The following RNF152 variants were observed in gnomAD, a reference collection of about 807,000 sequenced individuals.
RNF152 encodes E3 ubiquitin-protein ligase RNF152.
A neutral mutation model predicts 12.7 loss-of-function variants in RNF152; 11 were observed. The observed-to-expected ratio is 0.86, with a 90% CI of 0.54 to 1.43. RNF152 has a LOEUF of 1.43. Ranked by LOEUF, RNF152 falls within the 40% of genes most tolerant of loss-of-function variation. RNF152 has a pLI of 0.00. For synonymous variants in RNF152, 113 were observed against 120.3 expected (o/e 0.94, Z 0.40); for missense variants, 255 against 274.8 (o/e 0.93, Z 0.51).
In RNF152 at chr18:61,823,350, CAG is replaced by C. The variant is rs1018499007; in HGVS notation, c.-135-6754_-135-6753del. Among the ~76,000 whole-genome samples, 4 of 152,350 alleles carry C rather than the reference CAG, an allele frequency of 2.6e-5. No individual in the cohort carries two copies. The East Asian group carries it at 7.7e-4, about 29-fold the overall frequency. On this transcript the variant is annotated intron_variant, in intron 1 of 1. Transcript: ENST00000312828. The stretch of plus-strand genomic sequence containing the variant: ...ACTCTCACTCACCCAGGCTGGAATG[CAG>C]TGGTGCAATCTTGGCTCACCGCAAC...
chr18:61,841,893 T>A (rs1476899789), intron 1 of RNF152, among the ~76,000 whole-genome samples: 1 of 152,194 alleles, frequency 6.6e-6, no homozygotes, highest in Non-Finnish European at 1.5e-5. Flanking sequence ...CCACACAGCA[T>A]CTGTTACAAC....
At chr18:61,878,238 T>A (rs933893880) in intron 1 of RNF152, among the ~76,000 whole-genome samples, 1 of 152,208 alleles carries the variant, frequency 6.6e-6, no homozygotes, top group South Asian at 2.1e-4. Flanking sequence ...TCTGGAGACA[T>A]CTTTGATTGA....
Position 61,881,535 on chromosome 18 carries a change from C to T in RNF152, c.-136+11260G>A, listed in dbSNP as rs183390956. On this transcript the variant is annotated intron_variant, in intron 1 of 1. Transcript: ENST00000312828. Reference sequence around the variant, plus strand: ...AAATCACATTCACCTTTACTAAAAGCGGTAACAGAAGCTAATACTGTTGCC... The same window carrying T: ...AAATCACATTCACCTTTACTAAAAGTGGTAACAGAAGCTAATACTGTTGCC... 2.7e-3 allele frequency among the ~76,000 whole-genome samples: 404 copies of T among 152,226 alleles called. 1 individual carries two copies. Among genetic ancestry groups the T allele is most frequent in the African/African-American group, 8.8e-3 (365 of 41,536 alleles).
At chr18:61,827,468 C>G (rs1271481768) in intron 1 of RNF152, among the ~76,000 whole-genome samples, 2 of 152,186 alleles carry the variant, frequency 1.3e-5, no homozygotes. Flanking sequence ...ACCTACCTAA[C>G]TGTTAAGACT....
chr18:61,819,183 C>G (rs1909259347), intron 1 of RNF152, among the ~76,000 whole-genome samples: 1 of 152,206 alleles, frequency 6.6e-6, no homozygotes, highest in Admixed American at 6.5e-5. Flanking sequence ...CTTACAGTCT[C>G]TGATACAGAT....
intron 1 of RNF152, among the ~76,000 whole-genome samples, chr18:61,854,436 C>A (rs1426275160): frequency 6.6e-6 from 1 of 152,184 alleles, no homozygotes; most frequent in Non-Finnish European, 1.5e-5. Context: ...AGGAAACGCA[C>A]AATAGGTAAC....
intron 1 of RNF152, among the ~76,000 whole-genome samples, chr18:61,848,584 A>G (rs1910837197): frequency 6.6e-6 from 1 of 152,200 alleles, no homozygotes. Flanking sequence ...ATTTGCAGAG[A>G]GGCTTCGGAA....
Position 61,815,778 on chromosome 18 carries a change from TC to T in RNF152, c.*73del. Reference sequence around the variant, plus strand: ...AAATGGTCAGTGTTGCCCCCCATCTTCTCACTGGGATCTCATCATCAACCTG... The same window carrying T: ...AAATGGTCAGTGTTGCCCCCCATCTTTCACTGGGATCTCATCATCAACCTG... On this transcript the variant is annotated 3_prime_UTR_variant, in exon 2 of 2. Coordinates refer to ENST00000312828, the MANE Select transcript of RNF152 (RefSeq NM_173557.3). 1 of 1,531,328 alleles carries T rather than the reference TC, an allele frequency of 6.5e-7. No individual in the cohort carries two copies. Among genetic ancestry groups the T allele is most frequent in the Non-Finnish European group, 8.9e-7 (1 of 1,121,884 alleles). The allele number at this position is 1,531,328 out of a possible 1,614,324, so 94.9% of individuals were successfully genotyped here. A position where few individuals can be genotyped will look rare whatever the true frequency, so the allele number is the denominator to read the frequency against.
rs186295469 is a variant in RNF152 at position 61,813,361 on chromosome 18, C to T, written c.*2491G>A. 30 of 151,680 alleles carry T rather than the reference C, an allele frequency of 2.0e-4. No homozygotes were observed. The highest frequency in any genetic ancestry group is 6.5e-4 in the African/African-American group (27 of 41,276). The allele number at this position is 151,680 out of a possible 1,614,324, so 9.4% of individuals were successfully genotyped here. A position where few individuals can be genotyped will look rare whatever the true frequency, so the allele number is the denominator to read the frequency against. On this transcript the variant is annotated 3_prime_UTR_variant, in exon 2 of 2. Transcript: ENST00000312828. The stretch of plus-strand genomic sequence containing the variant: ...CAACAAACAGGTACACAAATAACTG[C>T]AAGCAGATCCATTTAAACAATTTAA...
At chr18:61,830,855 G>A (rs1909908731) in intron 1 of RNF152, among the ~76,000 whole-genome samples, 1 of 152,198 alleles carries the variant, frequency 6.6e-6, no homozygotes, top group African/African-American at 2.4e-5. Flanking sequence ...GGTCAGTGAA[G>A]AGAGTGGCAT....
intron 1 of RNF152, among the ~76,000 whole-genome samples, chr18:61,879,604 T>C (rs1912369731): frequency 6.6e-6 from 1 of 152,146 alleles, no homozygotes; most frequent in South Asian, 2.1e-4. Context: ...CAAAAGGGTA[T>C]GATTTATTCC....
At position 61,816,224 on chromosome 18, in the gene RNF152, G is replaced by A. The variant is rs773265670; in HGVS notation, c.240C>T (p.Ala80=). The A allele has an allele frequency of 1.3e-5, 21 of 1,614,124 alleles. No individual in the cohort carries two copies. The highest frequency in any genetic ancestry group is 4.5e-5 in the East Asian group (2 of 44,896). ...GGGTGTGTTCGGAAGTGTGTGGAAT[G>A]GCGATGACAGCCAGGACCTCCGGGT... ...PDDPEVLAVI[A]IPHTSEHTPV... Residue 80 remains alanine, a synonymous_variant, in exon 2 of 2, where the codon GCC becomes GCT. Transcript: ENST00000312828.
rs1260622163 is a variant in RNF152 at position 61,810,811 on chromosome 18, G to A, written c.*5041C>T. The stretch of plus-strand genomic sequence containing the variant: ...CTGTTTTGGTAAGAATTACCTTGTA[G>A]GTGACAATTTACTGAGAATGATGGA... On this transcript the variant is annotated 3_prime_UTR_variant, in exon 2 of 2. Transcript: ENST00000312828. The A allele has an allele frequency of 6.6e-6, 1 of 152,106 alleles. No individual in the cohort carries two copies. The highest frequency in any genetic ancestry group is 1.5e-5 in the Non-Finnish European group (1 of 68,024). 9.4% of individuals were successfully genotyped at this position (152,106 alleles called of 1,614,324 possible).
chr18:61,844,106 G>GAAAGAAAGAAAGAA lies in RNF152; in HGVS notation c.-135-27522_-135-27509dup, dbSNP rs1555702345. Among the ~76,000 whole-genome samples, 51 of 138,934 alleles carry GAAAGAAAGAAAGAA rather than the reference G, an allele frequency of 3.7e-4. 1 individual carries two copies. The highest frequency in any genetic ancestry group is 8.1e-4 in the East Asian group (4 of 4,908). 91.1% of individuals were successfully genotyped at this position (138,934 alleles called of 152,430 possible). A position where few individuals can be genotyped will look rare whatever the true frequency, so the allele number is the denominator to read the frequency against. ...AGAAAGAAAGAAAGAAAGAAAGAAA[G>GAAAGAAAGAAAGAA]AAAGAAAGAAAGAAAGAAAGAAAGA... On this transcript the variant is annotated intron_variant, in intron 1 of 1. Coordinates refer to ENST00000312828, the MANE Select transcript of RNF152 (RefSeq NM_173557.3).
Position 61,815,747 on chromosome 18 carries a change from A to G in RNF152, c.*105T>C. Reference sequence around the variant, plus strand: ...AGAGGCAACCCAGAGGCCAGCGCTCAGCACCAAATGGTCAGTGTTGCCCCC... The same window carrying G: ...AGAGGCAACCCAGAGGCCAGCGCTCGGCACCAAATGGTCAGTGTTGCCCCC... On this transcript the variant is annotated 3_prime_UTR_variant, in exon 2 of 2. Coordinates refer to ENST00000312828, the MANE Select transcript of RNF152 (RefSeq NM_173557.3). The G allele has an allele frequency of 7.5e-7, 1 of 1,329,112 alleles. No individual in the cohort carries two copies. Among genetic ancestry groups the G allele is most frequent in the Non-Finnish European group, 1.1e-6 (1 of 949,960 alleles). The allele number at this position is 1,329,112 out of a possible 1,614,324, so 82.3% of individuals were successfully genotyped here.
chr18:61,810,868 A>G lies in RNF152; in HGVS notation c.*4984T>C, dbSNP rs1264163780. 6.6e-6 allele frequency: 1 copy of G among 151,512 alleles called. No individual in the cohort carries two copies. The highest frequency in any genetic ancestry group is 1.9e-4 in the East Asian group (1 of 5,200). The allele number at this position is 151,512 out of a possible 1,614,324, so 9.4% of individuals were successfully genotyped here. On this transcript the variant is annotated 3_prime_UTR_variant, in exon 2 of 2. Coordinates refer to ENST00000312828, the MANE Select transcript of RNF152 (RefSeq NM_173557.3). The stretch of plus-strand genomic sequence containing the variant: ...AAGGAACAGCTTCTCTATCTAAGTC[A>G]GGGATGACAGACTGACTACCTGACA...
At chr18:61,857,363 G>A (rs1911272442) in intron 1 of RNF152, among the ~76,000 whole-genome samples, 1 of 152,174 alleles carries the variant, frequency 6.6e-6, no homozygotes, top group African/African-American at 2.4e-5. Context: ...TTTTCATGGT[G>A]AAACTGAAAC....
chr18:61,886,545 A>G (rs531848141), intron 1 of RNF152, among the ~76,000 whole-genome samples: 1 of 152,336 alleles, frequency 6.6e-6, no homozygotes, highest in African/African-American at 2.4e-5. Context: ...ATTGTAGGCT[A>G]ATTGCAGGTC....
upstream of RNF152, chr18:61,893,561 G>A (rs1156717734): frequency 1.3e-5 from 2 of 152,548 alleles, no homozygotes; most frequent in East Asian, 3.9e-4. Context: ...TGTCCTTCCA[G>A]GAGCAAGCGC....
Sources: gnomAD v4.1 joint callset for allele counts (sites outside exome capture counted in the v4.1 genomes callset) on GRCh38, gnomAD v4.1.1 for gene constraint, MANE v1.5 for transcripts, NCBI Gene and HGNC (gene_info 2026-07-23, HGNC 2026-07-21) for gene names.